The following ASB18 variants were observed in gnomAD, a reference collection of about 807,000 sequenced individuals.
The protein encoded by ASB18 is ankyrin repeat and SOCS box protein 18.
In ASB18, 33 loss-of-function variants were observed where a neutral mutation model predicts 33.4. That is an observed-to-expected ratio of 0.99 (90% CI 0.75 to 1.32). ASB18 has a LOEUF of 1.32. Ranked by LOEUF, ASB18 falls within the 40% of genes most tolerant of loss-of-function variation. The probability of loss-of-function intolerance (pLI) is 0.00; values close to 1 mark genes in which losing one functional copy is unlikely to be tolerated. For missense variants in ASB18, 694 were observed against 655.5 expected (o/e 1.06, Z -0.64); for synonymous variants, 295 against 307.6 (o/e 0.96, Z 0.43).
Position 236,238,080 on chromosome 2 carries a change from A to G in ASB18, c.329-124T>C. ...AAAGGTAGGTACCAGGTAGGCATGT[A>G]GGGAGAAGAGGATAGAATCAGAGAC... On this transcript the variant is annotated intron_variant, in intron 2 of 5. Transcript: ENST00000409749. The surrounding 1 kb of genome is among the most constrained non-coding windows in gnomAD (Gnocchi z 5.2). The G allele has an allele frequency of 1.4e-6, 1 of 720,466 alleles. No homozygotes were observed. The highest frequency in any genetic ancestry group is 2.0e-6 in the Non-Finnish European group (1 of 494,550). 44.6% of individuals were successfully genotyped at this position (720,466 alleles called of 1,614,324 possible).
Position 236,255,658 on chromosome 2 carries a change from C to G in ASB18, c.205+8483G>C, listed in dbSNP as rs2060688748. Among the ~76,000 whole-genome samples, 2 of 152,192 alleles carry G rather than the reference C, an allele frequency of 1.3e-5. No individual in the cohort carries two copies. Among genetic ancestry groups the G allele is most frequent in the Admixed American group, 6.5e-5 (1 of 15,284 alleles). The stretch of plus-strand genomic sequence containing the variant: ...CCTAAGTAAAAGAGTCAGGTGTTTT[C>G]TTTCCAAATTAAGATGACCTCATTC... On this transcript the variant is annotated intron_variant, in intron 1 of 5. Coordinates refer to ENST00000409749, the MANE Select transcript of ASB18 (RefSeq NM_212556.4). The surrounding 1 kb of genome is among the most constrained non-coding windows in gnomAD (Gnocchi z 4.4).
At position 236,239,289 on chromosome 2, in the gene ASB18, C is replaced by T. The variant is rs550562886; in HGVS notation, c.329-1333G>A. On this transcript the variant is annotated intron_variant, in intron 2 of 5. Coordinates refer to ENST00000409749, the MANE Select transcript of ASB18 (RefSeq NM_212556.4). This position sits in a 1 kb window ranked among gnomAD's most constrained non-coding sequence, Gnocchi z 5.6. ...AAATGCTAAATCCCCAACCCAGCCC[C>T]ACCCTACCCTAGCGCTCAGTAAACC... 2.6e-5 allele frequency among the ~76,000 whole-genome samples: 4 copies of T among 152,282 alleles called. No individual in the cohort carries two copies. The highest frequency in any genetic ancestry group is 7.2e-5 in the African/African-American group (3 of 41,550).
At chr2:236,224,178 T>G (rs1473046619) in intron 3 of ASB18, among the ~76,000 whole-genome samples, 1 of 149,206 alleles carries the variant, frequency 6.7e-6, no homozygotes. Flanking sequence ...ACATTTGGTG[T>G]TGTCAGGTTT....
Position 236,225,598 on chromosome 2 carries a change from A to AATT in ASB18, c.597-10733_597-10732insAAT, listed in dbSNP as rs2060533706. ...TTCTTATTTTAATTATCTCGAATAA[A>AATT]AAGGGTCAAGGAGAGGAATCTGATA... On this transcript the variant is annotated intron_variant, in intron 3 of 5. Coordinates refer to ENST00000409749, the MANE Select transcript of ASB18 (RefSeq NM_212556.4). This position sits in a 1 kb window ranked among gnomAD's most constrained non-coding sequence, Gnocchi z 5.1. 6.6e-6 allele frequency among the ~76,000 whole-genome samples: 1 copy of AATT among 152,212 alleles called. No individual in the cohort carries two copies. Among genetic ancestry groups the AATT allele is most frequent in the South Asian group, 2.1e-4 (1 of 4,826 alleles).
In ASB18 at chr2:236,194,068, TATGAATGAATGA is replaced by T. The variant is rs148040196; in HGVS notation, c.*792_*803del. Among the ~76,000 whole-genome samples the T allele has an allele frequency of 1.5e-4, 23 of 151,836 alleles. No homozygotes were observed. The highest frequency in any genetic ancestry group is 5.9e-4 in the Admixed American group (9 of 15,274). On this transcript the variant is annotated 3_prime_UTR_variant, in exon 6 of 6. Transcript: ENST00000409749. This position sits in a 1 kb window ranked among gnomAD's most constrained non-coding sequence, Gnocchi z 4.5. Reference sequence around the variant, plus strand: ...CTGAACTAGAATAAGCACATTAGAATATGAATGAATGAATGAATGAATGAATACAAATTATTG... The same window carrying T: ...CTGAACTAGAATAAGCACATTAGAATATGAATGAATGAATACAAATTATTG...
chr2:236,253,540 TA>T lies in ASB18; in HGVS notation c.205+10600del, dbSNP rs2060678031. 8.7e-6 allele frequency among the ~76,000 whole-genome samples: 1 copy of T among 114,950 alleles called. No homozygotes were observed. Among genetic ancestry groups the T allele is most frequent in the South Asian group, 2.4e-4 (1 of 4,250 alleles). The allele number at this position is 114,950 out of a possible 152,430, so 75.4% of individuals were successfully genotyped here. A position where few individuals can be genotyped will look rare whatever the true frequency, so the allele number is the denominator to read the frequency against. On this transcript the variant is annotated intron_variant, in intron 1 of 5. Transcript: ENST00000409749. The surrounding 1 kb of genome is among the most constrained non-coding windows in gnomAD (Gnocchi z 5.4). ...TACAGCCACTTGCTGGTTAACTTAT[TA>T]TTATTATTATTATTATTATTATTGT...
At position 236,225,227 on chromosome 2, in the gene ASB18, T is replaced by A. The variant is rs1030204932; in HGVS notation, c.597-10361A>T. Among the ~76,000 whole-genome samples, 7 of 152,132 alleles carry A rather than the reference T, an allele frequency of 4.6e-5. No individual in the cohort carries two copies. The highest frequency in any genetic ancestry group is 4.6e-4 in the Admixed American group (7 of 15,282). On this transcript the variant is annotated intron_variant, in intron 3 of 5. Coordinates refer to ENST00000409749, the MANE Select transcript of ASB18 (RefSeq NM_212556.4). The surrounding 1 kb of genome is among the most constrained non-coding windows in gnomAD (Gnocchi z 5.1). ...GCCTCGACTTCCTGGGCTCAAGTGA[T>A]CCTCCAGACTCAGCCTCCCAAGTAG...
rs1241159934 is a variant in ASB18 at position 236,205,744 on chromosome 2, A to G, written c.1101+8618T>C. Reference sequence around the variant, plus strand: ...CATGTTTTATGAACCCTTGATATCTAAAAGTGTCTTTCATCATCAAAATGA... The same window carrying G: ...CATGTTTTATGAACCCTTGATATCTGAAAGTGTCTTTCATCATCAAAATGA... On this transcript the variant is annotated intron_variant, in intron 4 of 5. Coordinates refer to ENST00000409749, the MANE Select transcript of ASB18 (RefSeq NM_212556.4). The surrounding 1 kb of genome is among the most constrained non-coding windows in gnomAD (Gnocchi z 5.4). 6.6e-6 allele frequency among the ~76,000 whole-genome samples: 1 copy of G among 152,188 alleles called. No homozygotes were observed. Among genetic ancestry groups the G allele is most frequent in the Non-Finnish European group, 1.5e-5 (1 of 68,048 alleles).
rs2060643025 is a variant in ASB18 at position 236,245,973 on chromosome 2, T to C, written c.206-4571A>G. Reference sequence around the variant, plus strand: ...CGGCTGGCCTAGGGCAGGTCTCAGGTGCTCAGCGTGGGGACCTACCTCAGA... The same window carrying C: ...CGGCTGGCCTAGGGCAGGTCTCAGGCGCTCAGCGTGGGGACCTACCTCAGA... On this transcript the variant is annotated intron_variant, in intron 1 of 5. Transcript: ENST00000409749. This position sits in a 1 kb window ranked among gnomAD's most constrained non-coding sequence, Gnocchi z 4.7. Among the ~76,000 whole-genome samples the C allele has an allele frequency of 6.6e-6, 1 of 152,120 alleles. No homozygotes were observed. The highest frequency in any genetic ancestry group is 6.6e-5 in the Admixed American group (1 of 15,266).
Position 236,249,560 on chromosome 2 carries a change from G to A in ASB18, c.206-8158C>T, listed in dbSNP as rs903584638. ...ACGTCTATTCCAGGGTGTTGGTCAA[G>A]GAAATGCTTCTGAACAAATACAATG... is the stretch of plus-strand genomic sequence containing the variant. On this transcript the variant is annotated intron_variant, in intron 1 of 5. Coordinates refer to ENST00000409749, the MANE Select transcript of ASB18 (RefSeq NM_212556.4). The surrounding 1 kb of genome is among the most constrained non-coding windows in gnomAD (Gnocchi z 4.6). The A allele has an allele frequency of 1.3e-5, 2 of 152,156 alleles. No homozygotes were observed. The highest frequency in any genetic ancestry group is 2.9e-5 in the Non-Finnish European group (2 of 68,038). The allele number at this position is 152,156 out of a possible 1,614,324, so 9.4% of individuals were successfully genotyped here.
In ASB18 at chr2:236,219,481, G is replaced by A. The variant is rs1249069412; in HGVS notation, c.597-4615C>T. On this transcript the variant is annotated intron_variant, in intron 3 of 5. Coordinates refer to ENST00000409749, the MANE Select transcript of ASB18 (RefSeq NM_212556.4). This position sits in a 1 kb window ranked among gnomAD's most constrained non-coding sequence, Gnocchi z 6.4. ...AACGTATGTATGGCAATGCCCATGA[G>A]AAGGTGAGGAGAGGAGAGGCCTGGG... is the stretch of plus-strand genomic sequence containing the variant. Among the ~76,000 whole-genome samples, 1 of 152,174 alleles carries A rather than the reference G, an allele frequency of 6.6e-6. No individual in the cohort carries two copies. Among genetic ancestry groups the A allele is most frequent in the Non-Finnish European group, 1.5e-5 (1 of 68,034 alleles).
rs899624270 is a variant in ASB18 at position 236,252,411 on chromosome 2, G to C, written c.206-11009C>G. 6.6e-6 allele frequency among the ~76,000 whole-genome samples: 1 copy of C among 152,136 alleles called. No individual in the cohort carries two copies. The highest frequency in any genetic ancestry group is 2.4e-5 in the African/African-American group (1 of 41,428). On this transcript the variant is annotated intron_variant, in intron 1 of 5. Coordinates refer to ENST00000409749, the MANE Select transcript of ASB18 (RefSeq NM_212556.4). This position sits in a 1 kb window ranked among gnomAD's most constrained non-coding sequence, Gnocchi z 7.9. ...CAGATCACTGCTATATGGAGGTACAGGTGTTAAGATGGGGATGCCTCAAAT... is the reference window on the plus strand; with the variant it reads ...CAGATCACTGCTATATGGAGGTACACGTGTTAAGATGGGGATGCCTCAAAT...
Position 236,214,790 on chromosome 2 carries a change from C to A in ASB18, c.673G>T (p.Val225Leu). The A allele has an allele frequency of 1.7e-6, 2 of 1,203,574 alleles. No homozygotes were observed. Among genetic ancestry groups the A allele is most frequent in the South Asian group, 7.2e-5 (2 of 27,594 alleles). The allele number at this position is 1,203,574 out of a possible 1,614,324, so 74.6% of individuals were successfully genotyped here. The change falls in exon 4 of 6, where the codon GTG (valine) becomes TTG (leucine). Residue 225 changes from valine to leucine, a missense_variant. By Grantham distance (32) the Val-to-Leu change is conservative. Transcript: ENST00000409749. This position sits in a 1 kb window ranked among gnomAD's most constrained non-coding sequence, Gnocchi z 6.5. The stretch of plus-strand genomic sequence containing the variant: ...TCGTCCAGGCCGCGCTGCGCCGCCA[C>A]GTGCAGCGGCGTGTCCCGGCCCGTG... ...GGTGRDTPLHVAAQRGLDEHA... is the reference protein window; with the variant it reads ...GGTGRDTPLHLAAQRGLDEHA...
Position 236,204,890 on chromosome 2 carries a change from C to T in ASB18, c.1102-8505G>A, listed in dbSNP as rs1478506974. Among the ~76,000 whole-genome samples the T allele has an allele frequency of 6.6e-6, 1 of 152,216 alleles. No individual in the cohort carries two copies. Among genetic ancestry groups the T allele is most frequent in the East Asian group, 1.9e-4 (1 of 5,180 alleles). ...GATAGCAAACTCATTCTTGCAGTCT[C>T]TTGGGCTAGAATCAGAGTCGTCCAT... On this transcript the variant is annotated intron_variant, in intron 4 of 5. Coordinates refer to ENST00000409749, the MANE Select transcript of ASB18 (RefSeq NM_212556.4). This position sits in a 1 kb window ranked among gnomAD's most constrained non-coding sequence, Gnocchi z 5.1.
chr2:236,242,911 T>A (rs1393857316), intron 1 of ASB18, among the ~76,000 whole-genome samples: 1 of 150,118 alleles, frequency 6.7e-6, no homozygotes, highest in Non-Finnish European at 1.5e-5. Flanking sequence ...TCCCAGCTAT[T>A]TGGGAGGCTA....
chr2:236,261,962 C>T (rs975827209), intron 1 of ASB18, among the ~76,000 whole-genome samples: 1 of 152,170 alleles, frequency 6.6e-6, no homozygotes, highest in Non-Finnish European at 1.5e-5. Context: ...TTATCTCCCA[C>T]TGGGTCCCTC....
chr2:236,247,029 A>G (rs1010975138), intron 1 of ASB18, among the ~76,000 whole-genome samples: 1 of 152,164 alleles, frequency 6.6e-6, no homozygotes, highest in African/African-American at 2.4e-5. Context: ...ACTGCACCAG[A>G]CACTAAATTT....
Position 236,225,884 on chromosome 2 carries a change from A to G in ASB18, c.597-11018T>C, listed in dbSNP as rs2060535169. 6.6e-6 allele frequency among the ~76,000 whole-genome samples: 1 copy of G among 152,026 alleles called. No homozygotes were observed. Among genetic ancestry groups the G allele is most frequent in the Non-Finnish European group, 1.5e-5 (1 of 68,020 alleles). ...CGAATTGCCAACTAAAAGGGGATGG[A>G]GCAGAACGGGGTCCCTAGGTGTGGA... is the stretch of plus-strand genomic sequence containing the variant. On this transcript the variant is annotated intron_variant, in intron 3 of 5. Coordinates refer to ENST00000409749, the MANE Select transcript of ASB18 (RefSeq NM_212556.4). The surrounding 1 kb of genome is among the most constrained non-coding windows in gnomAD (Gnocchi z 5.1).
chr2:236,200,147 T>C lies in ASB18; in HGVS notation c.1102-3762A>G, dbSNP rs576252161. ...GGATCACCTGAGGTCAGGAGTTCGA[T>C]ACTAGCCTGGCCAACATGGTGAAGC... On this transcript the variant is annotated intron_variant, in intron 4 of 5. Transcript: ENST00000409749. The surrounding 1 kb of genome is among the most constrained non-coding windows in gnomAD (Gnocchi z 4.2). 1.6e-4 allele frequency among the ~76,000 whole-genome samples: 25 copies of C among 152,016 alleles called. No homozygotes were observed. The highest frequency in any genetic ancestry group is 2.9e-4 in the Non-Finnish European group (20 of 67,996).
Sources: gnomAD v4.1 joint callset for allele counts (sites outside exome capture counted in the v4.1 genomes callset) on GRCh38, gnomAD v4.1.1 for gene constraint, Gnocchi (gnomAD v3.1) non-coding constraint, MANE v1.5 for transcripts, NCBI Gene and HGNC (gene_info 2026-07-23, HGNC 2026-07-21) for gene names.